The following OPRD1 variants were observed in gnomAD, a reference collection of about 807,000 sequenced individuals.
OPRD1 encodes the protein delta-type opioid receptor.
A neutral mutation model predicts 17.5 loss-of-function variants in OPRD1; 19 were observed. The ratio of observed to expected loss-of-function variants is 1.09; its 90% CI spans 0.76 to 1.60. The LOEUF is 1.60. OPRD1 is among the 40% of genes most tolerant of loss of function. OPRD1 has a pLI of 0.00. For missense variants in OPRD1, 483 were observed against 547.2 expected (o/e 0.88, Z 1.17); for synonymous variants, 256 against 240.9 (o/e 1.06, Z -0.58).
At chr1:28,815,620 G>C (rs1557566772) in intron 1 of OPRD1, among the ~76,000 whole-genome samples, 1 of 152,256 alleles carries the variant, frequency 6.6e-6, no homozygotes, top group Non-Finnish European at 1.5e-5. Context: ...CCCAAGGGCA[G>C]TGGGGAGAGC....
In OPRD1 at chr1:28,845,115, C is replaced by T. The variant is rs184891428; in HGVS notation, c.228-13839C>T. Among the ~76,000 whole-genome samples, 1,021 of 151,662 alleles carry T rather than the reference C, an allele frequency of 6.7e-3. 8 individuals are homozygous for T. The highest frequency in any genetic ancestry group is 0.021 in the African/African-American group (869 of 41,358). Reference sequence around the variant, plus strand: ...ATCCCAGCACTTTCGGAGGCCAAGGCGGGCAGATCACAAGGTCAGGAGTTC... The same window carrying T: ...ATCCCAGCACTTTCGGAGGCCAAGGTGGGCAGATCACAAGGTCAGGAGTTC... On this transcript the variant is annotated intron_variant, in intron 1 of 2. Coordinates refer to ENST00000234961, the MANE Select transcript of OPRD1 (RefSeq NM_000911.4).
intron 2 of OPRD1, 97 bp from the exon 3 acceptor site, chr1:28,862,645 A>C: frequency 2.6e-6 from 3 of 1,156,912 alleles, no homozygotes; most frequent in Non-Finnish European, 3.6e-6. Context: ...AGGTGGTGGG[A>C]CTTGCCCAAG....
At position 28,812,581 on chromosome 1, in the gene OPRD1, C is replaced by A; in HGVS notation, c.198C>A (p.Gly66=). ...YSAVCAVGLL[G]NVLVMFGIVR... ...CCGTGTGCGCCGTGGGGCTGCTGGG[C>A]AACGTGCTTGTCATGTTCGGCATCG... Residue 66 remains glycine, a synonymous_variant, in exon 1 of 3, where the codon GGC becomes GGA. Transcript: ENST00000234961. 1 of 1,568,154 alleles carries A rather than the reference C, an allele frequency of 6.4e-7. No homozygotes were observed. The highest frequency in any genetic ancestry group is 8.6e-7 in the Non-Finnish European group (1 of 1,164,116).
intron 1 of OPRD1, among the ~76,000 whole-genome samples, chr1:28,817,947 T>C (rs1339425325): frequency 1.3e-5 from 2 of 151,924 alleles, no homozygotes; most frequent in African/African-American, 2.4e-5. Context: ...CTCGAACTCC[T>C]GACCTCAAGT....
Position 28,863,162 on chromosome 1 carries a change from G to A in OPRD1, c.998G>A (p.Cys333Tyr). Residue 333 changes from cysteine to tyrosine, a missense_variant, in exon 3 of 3, where the codon TGC becomes TAC. Cys to Tyr is a radical substitution (Grantham distance 194). Transcript: ENST00000234961. ...ENFKRCFRQL[C>Y]RKPCGRPDPS... ...TTCAAGCGCTGCTTCCGCCAGCTCT[G>A]CCGCAAGCCCTGCGGCCGCCCAGAC... 1 of 1,604,024 alleles carries A rather than the reference G, an allele frequency of 6.2e-7. No homozygotes were observed. The highest frequency in any genetic ancestry group is 1.1e-5 in the South Asian group (1 of 90,510).
At chr1:28,829,803 G>A (rs2088796756) in intron 1 of OPRD1, among the ~76,000 whole-genome samples, 1 of 152,144 alleles carries the variant, frequency 6.6e-6, no homozygotes, top group Non-Finnish European at 1.5e-5. Flanking sequence ...TCAACTGGCT[G>A]GGTTCAAGTG....
chr1:28,858,973 G>C lies in OPRD1; in HGVS notation c.247G>C (p.Ala83Pro), dbSNP rs749756833. Residue 83 changes from alanine to proline, a missense_variant, in exon 2 of 3, where the codon GCC becomes CCC. Physicochemically the swap from Ala to Pro is conservative, Grantham distance 27. Transcript: ENST00000234961. ...TCTAAGGTACACTAAGATGAAGACGGCCACCAACATCTACATCTTCAACCT... is the reference window on the plus strand; with the variant it reads ...TCTAAGGTACACTAAGATGAAGACGCCCACCAACATCTACATCTTCAACCT... ...GIVRYTKMKTATNIYIFNLAL... is the reference protein window; with the variant it reads ...GIVRYTKMKTPTNIYIFNLAL... The C allele has an allele frequency of 1.9e-6, 3 of 1,611,172 alleles. No homozygotes were observed. In the Admixed American group the frequency reaches 5.0e-5, roughly 27 times the overall value.
chr1:28,824,876 T>C (rs369247), intron 1 of OPRD1, among the ~76,000 whole-genome samples: 136,755 of 151,894 alleles, frequency 0.9, 61,743 homozygotes, highest in East Asian at 1. Flanking sequence ...CTGTTGCCCA[T>C]GCTGGAGTGC....
rs368975930 is a variant in OPRD1 at position 28,832,786 on chromosome 1, A to C, written c.227+20176A>C. The stretch of plus-strand genomic sequence containing the variant: ...ACAAAATGGGAATATACTGAGACCC[A>C]CTTCCTGGGGTGTGTGTGATTCAAA... On this transcript the variant is annotated intron_variant, in intron 1 of 2. Coordinates refer to ENST00000234961, the MANE Select transcript of OPRD1 (RefSeq NM_000911.4). Among the ~76,000 whole-genome samples the C allele has an allele frequency of 2.6e-5, 4 of 152,282 alleles. No homozygotes were observed. In the East Asian group the frequency reaches 5.8e-4, roughly 22 times the overall value.
In OPRD1 at chr1:28,853,141, T is replaced by C. The variant is rs1006406294; in HGVS notation, c.228-5813T>C. ...TGTAATAGGGCATTGTGAGGAACATTACTAGTGTTCACTAATATCTGCTTC... is the reference window on the plus strand; with the variant it reads ...TGTAATAGGGCATTGTGAGGAACATCACTAGTGTTCACTAATATCTGCTTC... On this transcript the variant is annotated intron_variant, in intron 1 of 2. Coordinates refer to ENST00000234961, the MANE Select transcript of OPRD1 (RefSeq NM_000911.4). Among the ~76,000 whole-genome samples the C allele has an allele frequency of 2.6e-5, 4 of 152,352 alleles. No individual in the cohort carries two copies. In the East Asian group the frequency reaches 5.8e-4, roughly 22 times the overall value.
rs763638833 is a variant in OPRD1 at position 28,821,264 on chromosome 1, G to A, written c.227+8654G>A. Reference sequence around the variant, plus strand: ...ATTACAGGTACCTGCCACCATGCCCGGCTAATTTTTGTATTTTTAGTAGAG... The same window carrying A: ...ATTACAGGTACCTGCCACCATGCCCAGCTAATTTTTGTATTTTTAGTAGAG... On this transcript the variant is annotated intron_variant, in intron 1 of 2. Transcript: ENST00000234961. Among the ~76,000 whole-genome samples, 30 of 151,926 alleles carry A rather than the reference G, an allele frequency of 2.0e-4. 1 individual carries two copies. Among genetic ancestry groups the A allele is most frequent in the Middle Eastern group, 3.2e-3 (1 of 316 alleles).
chr1:28,856,649 G>A (rs2089060628), intron 1 of OPRD1, among the ~76,000 whole-genome samples: 1 of 152,320 alleles, frequency 6.6e-6, no homozygotes, highest in African/African-American at 2.4e-5. Context: ...CTCAGTGTAT[G>A]CAGTCTCCCC....
chr1:28,836,742 C>T (rs891328367), intron 1 of OPRD1, among the ~76,000 whole-genome samples: 3 of 152,114 alleles, frequency 2.0e-5, no homozygotes, highest in African/African-American at 7.2e-5. Context: ...TACAGGGCCT[C>T]TCTCTGTTGT....
At chr1:28,845,249 C>T (rs111846935) in intron 1 of OPRD1, among the ~76,000 whole-genome samples, 4,528 of 151,668 alleles carry the variant, frequency 0.03, 210 homozygotes, top group African/African-American at 0.1. Flanking sequence ...TTTGGGAGGC[C>T]GAGGTAGGTG....
intron 1 of OPRD1, among the ~76,000 whole-genome samples, chr1:28,817,266 T>C (rs770994144): frequency 1.3e-5 from 2 of 152,226 alleles, no homozygotes; most frequent in Non-Finnish European, 2.9e-5. Context: ...GTAATAGTAC[T>C]ATCTCATAGG....
chr1:28,846,846 T>TTTTCTTTCTTTCTTTC lies in OPRD1; in HGVS notation c.228-12076_228-12061dup, dbSNP rs1553150754. Among the ~76,000 whole-genome samples, 422 of 76,914 alleles carry TTTTCTTTCTTTCTTTC rather than the reference T, an allele frequency of 5.5e-3. 1 individual carries two copies. The highest frequency in any genetic ancestry group is 7.9e-3 in the Non-Finnish European group (267 of 33,682). 50.5% of individuals were successfully genotyped at this position (76,914 alleles called of 152,430 possible). On this transcript the variant is annotated intron_variant, in intron 1 of 2. Transcript: ENST00000234961. ...TTTTCTTTCTTTCTTTCTTTCTTTC[T>TTTTCTTTCTTTCTTTC]TTTCTTTCTTTCTTTCTTTCTTTCT...
At chr1:28,845,899 A>G (rs1391897343) in intron 1 of OPRD1, among the ~76,000 whole-genome samples, 1 of 152,234 alleles carries the variant, frequency 6.6e-6, no homozygotes, top group Non-Finnish European at 1.5e-5. Flanking sequence ...CTTGTGCTCC[A>G]TCTGGCTTCC....
intron 1 of OPRD1, among the ~76,000 whole-genome samples, chr1:28,844,836 C>T (rs1050220423): frequency 1.3e-5 from 2 of 152,012 alleles, no homozygotes; most frequent in Non-Finnish European, 2.9e-5. Context: ...CCTCCACCTC[C>T]CAGGTTCAAG....
At chr1:28,823,076 G>C (rs559102138) in intron 1 of OPRD1, among the ~76,000 whole-genome samples, 1 of 152,192 alleles carries the variant, frequency 6.6e-6, no homozygotes, top group East Asian at 1.9e-4. Context: ...GTGGAATGAG[G>C]GGGTGTCTGG....
Sources: gnomAD v4.1 joint callset for allele counts (sites outside exome capture counted in the v4.1 genomes callset) on GRCh38, gnomAD v4.1.1 for gene constraint, MANE v1.5 for transcripts, NCBI Gene and HGNC (gene_info 2026-07-23, HGNC 2026-07-21) for gene names.